Variants in SCMH1 observed in about 807,000 individuals in gnomAD.
SCMH1 encodes Scm polycomb group protein homolog 1.
SCMH1 carries 37 observed loss-of-function variants against 70.8 expected under a neutral mutation model. That is an observed-to-expected ratio of 0.52 (90% confidence interval 0.40 to 0.69). The LOEUF (loss-of-function observed/expected upper bound fraction) is 0.69. SCMH1 is among the 30% of genes least tolerant of loss of function. The pLI, the probability that SCMH1 is intolerant of heterozygous loss-of-function variation, is 0.00. For missense variants in SCMH1, 607 were observed against 827.3 expected (o/e 0.73, Z 3.27); for synonymous variants, 292 against 307.4 (o/e 0.95, Z 0.52).
In SCMH1 at chr1:41,113,639, G is replaced by A; in HGVS notation, c.502-113C>T. ...GTGACTGCTACATGAGACTTATAAT[G>A]GATATATAGCCTTTCTTTTAAATTA... On this transcript the variant is annotated intron_variant, in intron 7 of 14. Coordinates refer to ENST00000337495, the Ensembl canonical transcript of SCMH1. The surrounding 1 kb of genome is among the most constrained non-coding windows in gnomAD (Gnocchi z 4.3). 1 of 1,053,956 alleles carries A rather than the reference G, an allele frequency of 9.5e-7. No homozygotes were observed. Among genetic ancestry groups the A allele is most frequent in the Non-Finnish European group, 1.3e-6 (1 of 754,254 alleles). 65.3% of individuals were successfully genotyped at this position (1,053,956 alleles called of 1,614,324 possible).
chr1:41,113,572 C>A lies in SCMH1; in HGVS notation c.502-46G>T. ...TACACACCTAGACACAAAGAGAGGC[C>A]ATTATGCCAATAGACTACTATCTAA... On this transcript the variant is annotated intron_variant, in intron 7 of 14. Coordinates refer to ENST00000337495, the Ensembl canonical transcript of SCMH1. The surrounding 1 kb of genome is among the most constrained non-coding windows in gnomAD (Gnocchi z 4.3). The A allele has an allele frequency of 6.4e-7, 1 of 1,564,606 alleles. No individual in the cohort carries two copies. The highest frequency in any genetic ancestry group is 1.2e-5 in the South Asian group (1 of 82,164).
chr1:41,186,743 G>A (rs974224778), intron 1 of SCMH1, among the ~76,000 whole-genome samples: 8 of 152,174 alleles, frequency 5.3e-5, no homozygotes, highest in African/African-American at 1.9e-4. Flanking sequence ...GATGAGACAT[G>A]AGAGATATCT....
At chr1:41,216,229 G>C (rs539009416) in intron 1 of SCMH1, among the ~76,000 whole-genome samples, 1 of 152,270 alleles carries the variant, frequency 6.6e-6, no homozygotes, top group African/African-American at 2.4e-5. Flanking sequence ...AATTTTTATG[G>C]AGCATCTTCT....
At chr1:41,040,104 G>A (rs1645919608) in intron 12 of SCMH1, among the ~76,000 whole-genome samples, 1 of 152,126 alleles carries the variant, frequency 6.6e-6, no homozygotes. Flanking sequence ...ATAAAATGGA[G>A]AGGAAAAATG....
chr1:41,215,712 A>G (rs911212048), intron 1 of SCMH1, among the ~76,000 whole-genome samples: 1 of 152,058 alleles, frequency 6.6e-6, no homozygotes, highest in African/African-American at 2.4e-5. Flanking sequence ...TGCTACATTT[A>G]TATCTGACCC....
intron 2 of SCMH1, among the ~76,000 whole-genome samples, chr1:41,176,607 C>A (rs183405094): frequency 3.9e-5 from 6 of 152,198 alleles, no homozygotes; most frequent in African/African-American, 1.4e-4. Context: ...GATTATATCC[C>A]GCGCCTGGCT....
chr1:41,143,637 C>T (rs182819938), intron 5 of SCMH1, among the ~76,000 whole-genome samples: 2 of 152,300 alleles, frequency 1.3e-5, no homozygotes, highest in Admixed American at 1.3e-4. Context: ...TGTATATACT[C>T]ATATTACTAT....
chr1:41,121,922 T>C (rs927155851), intron 6 of SCMH1, among the ~76,000 whole-genome samples: 2 of 152,064 alleles, frequency 1.3e-5, no homozygotes, highest in Non-Finnish European at 2.9e-5. Context: ...CCAAACCCAA[T>C]TAATCAGCAA....
chr1:41,116,832 A>T (rs931962094), intron 7 of SCMH1, 90 bp downstream of exon 7: 1 of 990,002 alleles, frequency 1.0e-6, no homozygotes, highest in Admixed American at 2.7e-5. Context: ...CTGAGAAGGC[A>T]TCTTCAGGCC....
intron 1 of SCMH1, among the ~76,000 whole-genome samples, chr1:41,195,131 CAAAAAAAAAA>C (rs35569635): frequency 1.1e-4 from 3 of 26,246 alleles, no homozygotes; most frequent in Admixed American, 1.5e-3. Context: ...AACTCTCTCT[CAAAAAAAAAA>C]AAAAAAAAAA....
chr1:41,101,097 G>A (rs1666512219), intron 8 of SCMH1, among the ~76,000 whole-genome samples: 1 of 151,798 alleles, frequency 6.6e-6, no homozygotes, highest in South Asian at 2.1e-4. Context: ...AAAATAGCGG[G>A]GAAAAAAAGA....
At chr1:41,044,062 A>T (rs573392440) in intron 12 of SCMH1, among the ~76,000 whole-genome samples, 2 of 152,332 alleles carry the variant, frequency 1.3e-5, no homozygotes, top group South Asian at 4.1e-4. Context: ...CATTGGAGAA[A>T]AAAGTAGTAG....
At chr1:41,152,523 C>G in intron 4 of SCMH1, 1 of 1,469,882 alleles carries the variant, frequency 6.8e-7, no homozygotes. Context: ...TGATACAGAC[C>G]TCATTGGATC....
At chr1:41,183,512 T>G (rs1649376379) in intron 2 of SCMH1, among the ~76,000 whole-genome samples, 1 of 152,182 alleles carries the variant, frequency 6.6e-6, no homozygotes, top group South Asian at 2.1e-4. Flanking sequence ...AGGACAAATA[T>G]TATTTTGTAA....
intron 8 of SCMH1, among the ~76,000 whole-genome samples, chr1:41,086,205 C>T (rs987676010): frequency 1.4e-4 from 21 of 152,152 alleles, no homozygotes; most frequent in African/African-American, 3.9e-4. Flanking sequence ...TTCTATTGGA[C>T]AGTGCATCCC....
At chr1:41,061,549 T>G (rs548309322) in intron 10 of SCMH1, among the ~76,000 whole-genome samples, 4 of 152,278 alleles carry the variant, frequency 2.6e-5, no homozygotes, top group South Asian at 4.1e-4. Context: ...AATGTGTGTA[T>G]ACCTAACAAC....
At chr1:41,143,097 T>G (rs1235116508) in exon 6 of SCMH1, 1 of 1,614,054 alleles carries the variant, frequency 6.2e-7, no homozygotes. Flanking sequence ...AACTCGTTGC[T>G]TGGAGGTGTG....
intron 7 of SCMH1, among the ~76,000 whole-genome samples, chr1:41,116,294 T>C (rs1450928549): frequency 2.0e-5 from 3 of 152,230 alleles, no homozygotes; most frequent in African/African-American, 7.2e-5. Flanking sequence ...CCTAATTTAA[T>C]ACCCTTTACA....
chr1:41,203,723 G>T (rs561477098), intron 1 of SCMH1, among the ~76,000 whole-genome samples: 2 of 152,224 alleles, frequency 1.3e-5, no homozygotes, highest in African/African-American at 4.8e-5. Context: ...TAGCATGAGC[G>T]ATCTGTGCCT....
Sources: allele counts gnomAD v4.1 joint callset (sites outside exome capture counted in the v4.1 genomes callset), GRCh38; gene constraint gnomAD v4.1.1; non-coding constraint Gnocchi (gnomAD v3.1); transcripts MANE v1.5; gene names NCBI Gene and HGNC (gene_info 2026-07-23, HGNC 2026-07-21).